TENM4: variants seen among roughly 807,000 people sequenced by gnomAD.
TENM4 encodes the protein teneurin transmembrane protein 4.
Under a neutral mutation model 243.3 loss-of-function variants are expected in TENM4, and 82 were observed. The observed-to-expected ratio is 0.34, with a 90% CI of 0.28 to 0.40. TENM4 has a LOEUF of 0.40. Ranked by LOEUF, TENM4 falls within the 10% of genes least tolerant of loss-of-function variation. The pLI, the probability that TENM4 is intolerant of heterozygous loss-of-function variation, is 1.00. For synonymous variants in TENM4, 1,412 were observed against 1,456.3 expected (o/e 0.97, Z 0.69); for missense variants, 3,138 against 3,673.3 (o/e 0.85, Z 3.77).
At chr11:79,409,003 G>A (rs1858630337) in intron 1 of TENM4, among the ~76,000 whole-genome samples, 1 of 151,482 alleles carries the variant, frequency 6.6e-6, no homozygotes, top group African/African-American at 2.4e-5. Context: ...GAAGTATTAA[G>A]TTCTCCTTTT....
intron 1 of TENM4, among the ~76,000 whole-genome samples, chr11:79,393,646 G>T (rs569002894): frequency 6.6e-6 from 1 of 152,240 alleles, no homozygotes; most frequent in Non-Finnish European, 1.5e-5. Flanking sequence ...ATTTCAGAAA[G>T]CTTGCCCAGA....
Position 78,669,211 on chromosome 11 carries a change from C to T in TENM4, c.7134G>A (p.Lys2378=), listed in dbSNP as rs773832817. The part of the protein sequence containing the change: ...AVFSGTGLMI[K]QILYTAYGEI... ...CCCCATAGGCTGTGTACAGGATTTG[C>T]TTGATCATCAAACCTGTTCCACTAA... is the stretch of plus-strand genomic sequence containing the variant. The change falls in exon 32 of 34, where the codon AAG becomes AAA. Residue 2378 remains lysine, a synonymous_variant. Transcript: ENST00000278550. The surrounding 1 kb of genome is among the most constrained non-coding windows in gnomAD (Gnocchi z 6.4). 7 of 1,613,938 alleles carry T rather than the reference C, an allele frequency of 4.3e-6. No individual in the cohort carries two copies. Among genetic ancestry groups the T allele is most frequent in the Non-Finnish European group, 5.9e-6 (7 of 1,179,876 alleles).
At chr11:78,701,063 GT>G (rs560018394) in intron 28 of TENM4, among the ~76,000 whole-genome samples, 2,842 of 151,362 alleles carry the variant, frequency 0.019, 39 homozygotes, top group Non-Finnish European at 0.026. Flanking sequence ...AATGAAAAGG[GT>G]TTTTTTTTGG....
At chr11:79,113,065 G>A (rs1040487423) in intron 4 of TENM4, among the ~76,000 whole-genome samples, 3 of 152,186 alleles carry the variant, frequency 2.0e-5, no homozygotes, top group African/African-American at 7.2e-5. Flanking sequence ...CCTCTCAGAT[G>A]GGAGAATAGG....
Position 79,265,675 on chromosome 11 carries a change from A to AT in TENM4, c.-265+31812dup, listed in dbSNP as rs539827652. ...TATATCCATGTCAGCCTTGTGTGTG[A>AT]TTTTTTTTTAACATTTCTCTCCTAT... On this transcript the variant is annotated intron_variant, in intron 2 of 33. Transcript: ENST00000278550. Among the ~76,000 whole-genome samples, 129 of 151,414 alleles carry AT rather than the reference A, an allele frequency of 8.5e-4. No homozygotes were observed. The South Asian group carries it at 0.014, about 17-fold the overall frequency.
intron 3 of TENM4, among the ~76,000 whole-genome samples, chr11:79,176,433 C>G (rs568947524): frequency 4.6e-5 from 7 of 152,314 alleles, no homozygotes; most frequent in African/African-American, 9.6e-5. Context: ...CTCCTGAACA[C>G]TTAATATATT....
At chr11:78,956,070 C>T (rs868760998) in intron 6 of TENM4, among the ~76,000 whole-genome samples, 6 of 152,154 alleles carry the variant, frequency 3.9e-5, no homozygotes, top group East Asian at 3.9e-4. Flanking sequence ...CTCAGTGCCC[C>T]GTTCCTAGGG....
At chr11:79,135,722 T>C (rs1862095098) in intron 4 of TENM4, among the ~76,000 whole-genome samples, 1 of 123,190 alleles carries the variant, frequency 8.1e-6, no homozygotes, top group African/African-American at 3.0e-5. Context: ...TATATGATCA[T>C]ACATATATGA....
intron 3 of TENM4, among the ~76,000 whole-genome samples, chr11:79,189,951 C>T (rs1483894607): frequency 3.3e-5 from 5 of 152,194 alleles, no homozygotes; most frequent in Admixed American, 2.0e-4. Context: ...GAGGCAGTCA[C>T]CTGTAGGCTT....
chr11:78,968,684 C>T (rs939849083), intron 6 of TENM4, among the ~76,000 whole-genome samples: 12 of 152,194 alleles, frequency 7.9e-5, no homozygotes, highest in African/African-American at 2.9e-4. Flanking sequence ...TTCCTTAAAA[C>T]ATTCTCACTA....
In TENM4 at chr11:79,217,856, G is replaced by A. The variant is rs576093595; in HGVS notation, c.-264-1947C>T. ...TCCAGCCACAGCCTCCTGAGTAGCT[G>A]GGATTACAGGTGCCCACCACCACGG... On this transcript the variant is annotated intron_variant, in intron 2 of 33. Coordinates refer to ENST00000278550, the MANE Select transcript of TENM4 (RefSeq NM_001098816.3). 2.0e-5 allele frequency among the ~76,000 whole-genome samples: 3 copies of A among 152,170 alleles called. No homozygotes were observed. In the South Asian group the frequency reaches 6.2e-4, roughly 32 times the overall value.
chr11:79,425,958 A>C (rs1340599306), intron 1 of TENM4, among the ~76,000 whole-genome samples: 2 of 152,212 alleles, frequency 1.3e-5, no homozygotes, highest in Non-Finnish European at 2.9e-5. Flanking sequence ...GTGTGCCCAC[A>C]CACCTGTGCA....
At chr11:79,295,166 C>A (rs374057365) in intron 2 of TENM4, among the ~76,000 whole-genome samples, 1 of 152,258 alleles carries the variant, frequency 6.6e-6, no homozygotes, top group Non-Finnish European at 1.5e-5. Flanking sequence ...CCTGTTTAGG[C>A]GAATGAACAT....
At chr11:79,217,729 T>C (rs1864080162) in intron 2 of TENM4, among the ~76,000 whole-genome samples, 1 of 152,098 alleles carries the variant, frequency 6.6e-6, no homozygotes, top group South Asian at 2.1e-4. Flanking sequence ...GTAGAATTTT[T>C]TTTTTTTTTG....
intron 6 of TENM4, among the ~76,000 whole-genome samples, chr11:79,005,412 A>G (rs950040681): frequency 1.3e-4 from 20 of 152,206 alleles, no homozygotes; most frequent in African/African-American, 4.3e-4. Flanking sequence ...ACCACGATCA[A>G]TTAGGCTTAT....
chr11:78,879,744 C>A (rs1220011735), intron 9 of TENM4, among the ~76,000 whole-genome samples: 1 of 136,544 alleles, frequency 7.3e-6, no homozygotes, highest in Non-Finnish European at 1.6e-5. Context: ...ACCCTGTCTG[C>A]GAAGTGGGGA....
At chr11:79,298,785 AT>A (rs1856502335) in intron 1 of TENM4, among the ~76,000 whole-genome samples, 1 of 152,152 alleles carries the variant, frequency 6.6e-6, no homozygotes, top group Non-Finnish European at 1.5e-5. Context: ...TGATGCTGTA[AT>A]TTTGGTACCC....
chr11:78,966,578 C>T (rs891383043), intron 6 of TENM4, among the ~76,000 whole-genome samples: 1 of 152,106 alleles, frequency 6.6e-6, no homozygotes, highest in East Asian at 1.9e-4. Flanking sequence ...GAGGTAGGAC[C>T]TGTCAGAACA....
chr11:79,343,762 T>C (rs523873), intron 1 of TENM4, among the ~76,000 whole-genome samples: 2 of 152,212 alleles, frequency 1.3e-5, no homozygotes, highest in Admixed American at 1.3e-4. Context: ...AATTAGTTCT[T>C]GTCCTGGCAC....
Sources: gnomAD v4.1 joint callset for allele counts (sites outside exome capture counted in the v4.1 genomes callset) on GRCh38, gnomAD v4.1.1 for gene constraint, Gnocchi (gnomAD v3.1) non-coding constraint, MANE v1.5 for transcripts, NCBI Gene and HGNC (gene_info 2026-07-23, HGNC 2026-07-21) for gene names.